The following ERC2 variants were observed in gnomAD, a reference collection of about 807,000 sequenced individuals.
ERC2 encodes ELKS/RAB6-interacting/CAST family member 2.
In ERC2, 42 loss-of-function variants were observed where a neutral mutation model predicts 114.8. That is an observed-to-expected ratio of 0.37 (90% CI 0.29 to 0.47). The LOEUF is 0.47. Ranked by LOEUF, ERC2 falls within the 20% of genes least tolerant of loss-of-function variation. The probability of loss-of-function intolerance (pLI) is 0.99; values close to 1 mark genes in which losing one functional copy is unlikely to be tolerated. For synonymous variants in ERC2, 454 were observed against 425.5 expected, an observed-to-expected ratio of 1.07 and a Z score of -0.82; for missense variants, 939 against 1,150.7, an observed-to-expected ratio of 0.82 and a Z score of 2.66.
chr3:55,561,962 C>T (rs1454390225), intron 17 of ERC2, among the ~76,000 whole-genome samples: 3 of 152,182 alleles, frequency 2.0e-5, no homozygotes. Flanking sequence ...CTGGAGTTGA[C>T]AGAAGCCATC....
chr3:55,877,122 A>T (rs1410316300), intron 14 of ERC2, among the ~76,000 whole-genome samples: 1 of 152,206 alleles, frequency 6.6e-6, no homozygotes, highest in Non-Finnish European at 1.5e-5. Context: ...CAACCTCAGT[A>T]CCACTGGTAT....
At chr3:55,556,168 A>T (rs1295518310) in intron 17 of ERC2, among the ~76,000 whole-genome samples, 7 of 151,986 alleles carry the variant, frequency 4.6e-5, no homozygotes, top group Non-Finnish European at 1.0e-4. Flanking sequence ...GCATTTCCTA[A>T]CTCTTCATCC....
intron 7 of ERC2, among the ~76,000 whole-genome samples, chr3:56,022,726 G>T (rs907510105): frequency 6.6e-6 from 1 of 152,152 alleles, no homozygotes; most frequent in Non-Finnish European, 1.5e-5. Flanking sequence ...CTTGGGGGTG[G>T]AAAGGGAAGG....
chr3:56,075,474 C>G (rs965249507), intron 7 of ERC2, among the ~76,000 whole-genome samples: 4 of 152,156 alleles, frequency 2.6e-5, no homozygotes, highest in Non-Finnish European at 5.9e-5. Flanking sequence ...ATATTGGGAC[C>G]CCAGATATTC....
rs577009204 is a variant in ERC2 at position 55,722,542 on chromosome 3, G to A, written c.2712+12229C>T. Among the ~76,000 whole-genome samples, 66 of 152,090 alleles carry A rather than the reference G, an allele frequency of 4.3e-4. 3 individuals carry two copies. The South Asian group carries it at 0.013, about 30-fold the overall frequency. ...GGTTTTTCCCATAGTATTTATTATC[G>A]TGCAACATGCCCTACATTTGATGTC... On this transcript the variant is annotated intron_variant, in intron 15 of 17. Coordinates refer to ENST00000288221, the MANE Select transcript of ERC2 (RefSeq NM_015576.3).
chr3:55,647,563 G>A (rs1409606948), intron 17 of ERC2, among the ~76,000 whole-genome samples: 1 of 152,078 alleles, frequency 6.6e-6, no homozygotes, highest in Non-Finnish European at 1.5e-5. Flanking sequence ...TGTGCTCTGA[G>A]CCAAGGAAAA....
At chr3:55,517,999 C>T (rs987257999) in intron 17 of ERC2, among the ~76,000 whole-genome samples, 3 of 152,122 alleles carry the variant, frequency 2.0e-5, no homozygotes, top group Non-Finnish European at 4.4e-5. Flanking sequence ...GTACTACGGC[C>T]ATGTGGGGCT....
intron 17 of ERC2, among the ~76,000 whole-genome samples, chr3:55,672,479 T>C (rs532074176): frequency 6.6e-5 from 10 of 152,254 alleles, no homozygotes; most frequent in Admixed American, 2.6e-4. Context: ...CCCCTGTGTC[T>C]CATCTGTATA....
intron 3 of ERC2, among the ~76,000 whole-genome samples, chr3:56,294,122 A>G (rs547008612): frequency 1.1e-4 from 17 of 152,384 alleles, no homozygotes; most frequent in African/African-American, 4.1e-4. Context: ...TCTACATGCA[A>G]GTAACAACAT....
chr3:55,524,625 T>C (rs893743640), intron 17 of ERC2, among the ~76,000 whole-genome samples: 5 of 150,256 alleles, frequency 3.3e-5, no homozygotes, highest in African/African-American at 1.2e-4. Context: ...TATGTCAACA[T>C]TTAAGCCACA....
intron 17 of ERC2, among the ~76,000 whole-genome samples, chr3:55,525,018 T>C (rs980944120): frequency 5.9e-5 from 9 of 152,166 alleles, no homozygotes; most frequent in Non-Finnish European, 1.3e-4. Flanking sequence ...ACATTCCTGA[T>C]GACAAATCAA....
At chr3:56,419,840 TTTC>T (rs1408637077) in intron 2 of ERC2, among the ~76,000 whole-genome samples, 1 of 152,118 alleles carries the variant, frequency 6.6e-6, no homozygotes, top group Non-Finnish European at 1.5e-5. Flanking sequence ...ATTATGACAT[TTTC>T]ATCAGCTCTC....
intron 17 of ERC2, among the ~76,000 whole-genome samples, chr3:55,593,981 C>T (rs1049217867): frequency 1.6e-4 from 24 of 152,288 alleles, no homozygotes; most frequent in African/African-American, 3.6e-4. Flanking sequence ...CCAGAAGTTA[C>T]GGTCCTGCCC....
At chr3:56,253,156 TCA>T (rs2052291190) in intron 3 of ERC2, among the ~76,000 whole-genome samples, 1 of 152,160 alleles carries the variant, frequency 6.6e-6, no homozygotes, top group African/African-American at 2.4e-5. Context: ...AATCATGTGT[TCA>T]CAAACTCTGG....
chr3:56,249,419 G>T (rs553081662), intron 3 of ERC2, among the ~76,000 whole-genome samples: 2 of 151,760 alleles, frequency 1.3e-5, no homozygotes, highest in African/African-American at 4.8e-5. Flanking sequence ...TCCGCCTCCC[G>T]GGTTCACGCC....
chr3:56,407,899 T>C (rs1193160684), intron 2 of ERC2, among the ~76,000 whole-genome samples: 1 of 152,172 alleles, frequency 6.6e-6, no homozygotes, highest in East Asian at 1.9e-4. Flanking sequence ...AGCTACTCCC[T>C]TGGCCTTGCT....
chr3:55,952,179 A>ACACACCCT, intron 12 of ERC2, among the ~76,000 whole-genome samples: 1 of 62,098 alleles, frequency 1.6e-5, no homozygotes, highest in Non-Finnish European at 3.3e-5. Context: ...ACACACACAC[A>ACACACCCT]CTCTCTCTCT....
chr3:55,749,234 G>T (rs1338691881), intron 14 of ERC2, among the ~76,000 whole-genome samples: 1 of 152,184 alleles, frequency 6.6e-6, no homozygotes, highest in African/African-American at 2.4e-5. Context: ...ACTCCAACCT[G>T]ACACTGACTA....
chr3:55,675,873 A>C (rs1218777762), intron 17 of ERC2, among the ~76,000 whole-genome samples: 1 of 135,942 alleles, frequency 7.4e-6, no homozygotes, highest in African/African-American at 2.7e-5. Flanking sequence ...TCGTTTAAAA[A>C]CCCTTTCCAT....
Sources: gnomAD v4.1 joint callset for allele counts (sites outside exome capture counted in the v4.1 genomes callset) on GRCh38, gnomAD v4.1.1 for gene constraint, MANE v1.5 for transcripts, NCBI Gene and HGNC (gene_info 2026-07-23, HGNC 2026-07-21) for gene names.